CLNK: variants seen among roughly 807,000 people sequenced by gnomAD.
CLNK encodes the protein cytokine-dependent hematopoietic cell linker.
CLNK carries 74 observed loss-of-function variants against 68.6 expected under a neutral mutation model. That is an observed-to-expected ratio of 1.08 (90% confidence interval 0.89 to 1.31). The LOEUF is 1.31. Ranked by LOEUF, CLNK falls within the 50% of genes most tolerant of loss-of-function variation. CLNK has a pLI of 0.00. For synonymous variants in CLNK, 198 were observed against 172.2 expected (o/e 1.15, Z -1.17); for missense variants, 553 against 515.3 (o/e 1.07, Z -0.71).
chr4:10,694,771 T>A, the CLNK span, among the ~76,000 whole-genome samples: 1 of 152,158 alleles, frequency 6.6e-6, no homozygotes, highest in Non-Finnish European at 1.5e-5. Context: ...AGGGTGGGCA[T>A]GATTTCCATT....
At chr4:10,615,057 A>C (rs1177265379) in intron 2 of CLNK, among the ~76,000 whole-genome samples, 1 of 152,142 alleles carries the variant, frequency 6.6e-6, no homozygotes, top group African/African-American at 2.4e-5. Context: ...ATGGTGGTGC[A>C]TACTTGTAAT....
In CLNK at chr4:10,660,740, G is replaced by C. The variant is rs933712043; in HGVS notation, c.11+7119C>G. 2.0e-5 allele frequency among the ~76,000 whole-genome samples: 3 copies of C among 152,276 alleles called. No homozygotes were observed. The East Asian group carries it at 5.8e-4, about 29-fold the overall frequency. The stretch of plus-strand genomic sequence containing the variant: ...AGTAAGAGAGAGAGAAGACTATCTT[G>C]ACATCCTCTATTCCCTCATCACCGA... On this transcript the variant is annotated intron_variant, in intron 2 of 18. Transcript: ENST00000226951.
intron 2 of CLNK, among the ~76,000 whole-genome samples, chr4:10,625,587 G>A (rs1346759278): frequency 6.6e-6 from 1 of 152,186 alleles, no homozygotes; most frequent in African/African-American, 2.4e-5. Context: ...GATACAGAGA[G>A]ACAGGGTCAG....
At chr4:10,680,838 C>T (rs989570493) in intron 1 of CLNK, among the ~76,000 whole-genome samples, 10 of 152,100 alleles carry the variant, frequency 6.6e-5, no homozygotes, top group African/African-American at 1.7e-4. Flanking sequence ...CATGTCTCAA[C>T]GACTGGATGG....
At chr4:10,707,661 C>A in the CLNK span, among the ~76,000 whole-genome samples, 3 of 152,188 alleles carry the variant, frequency 2.0e-5, no homozygotes, top group South Asian at 6.2e-4. Flanking sequence ...GTTCCCTGGG[C>A]CATGGTCACC....
chr4:10,540,607 G>A lies in CLNK; in HGVS notation c.492-3C>T. On this transcript the variant is annotated splice_polypyrimidine_tract_variant and splice_region_variant and intron_variant, in intron 10 of 18. Coordinates refer to ENST00000226951, the MANE Select transcript of CLNK (RefSeq NM_052964.4). ...TCTTCGGAAGTGTTATGAGAGGCCTGTGTGGAGAGTCGCAGTAGGGTCCTG... is the reference window on the plus strand; with the variant it reads ...TCTTCGGAAGTGTTATGAGAGGCCTATGTGGAGAGTCGCAGTAGGGTCCTG... 1 of 1,608,400 alleles carries A rather than the reference G, an allele frequency of 6.2e-7. No homozygotes were observed. The highest frequency in any genetic ancestry group is 8.5e-7 in the Non-Finnish European group (1 of 1,174,874).
intron 2 of CLNK, among the ~76,000 whole-genome samples, chr4:10,622,302 GA>G (rs1481651090): frequency 6.6e-6 from 1 of 152,198 alleles, no homozygotes; most frequent in Non-Finnish European, 1.5e-5. Context: ...GGGACTCTGG[GA>G]GGCAAACTTG....
chr4:10,679,916 G>A (rs934285021), intron 1 of CLNK, among the ~76,000 whole-genome samples: 1 of 152,156 alleles, frequency 6.6e-6, no homozygotes, highest in Admixed American at 6.5e-5. Context: ...TACACTGTTG[G>A]TGGGACTGTA....
chr4:10,716,092 G>A, the CLNK span, among the ~76,000 whole-genome samples: 2 of 152,212 alleles, frequency 1.3e-5, no homozygotes, highest in Non-Finnish European at 2.9e-5. Flanking sequence ...GAATGCCACA[G>A]AATTGAGGTT....
intron 2 of CLNK, among the ~76,000 whole-genome samples, chr4:10,658,822 T>A (rs751724457): frequency 2.0e-5 from 3 of 152,194 alleles, no homozygotes; most frequent in Non-Finnish European, 1.5e-5. Flanking sequence ...GAGAAATAGA[T>A]TCACCCTTGA....
chr4:10,566,620 T>C (rs1439245525), intron 5 of CLNK, among the ~76,000 whole-genome samples: 1 of 152,228 alleles, frequency 6.6e-6, no homozygotes, highest in Non-Finnish European at 1.5e-5. Context: ...CCAAATTCAG[T>C]TGTATTTCTA....
At chr4:10,659,354 A>G (rs1378528633) in intron 2 of CLNK, among the ~76,000 whole-genome samples, 1 of 152,234 alleles carries the variant, frequency 6.6e-6, no homozygotes, top group African/African-American at 2.4e-5. Context: ...AAGTCGCTTA[A>G]CTTTCTCAAC....
At chr4:10,724,331 C>A in the CLNK span, among the ~76,000 whole-genome samples, 1 of 152,142 alleles carries the variant, frequency 6.6e-6, no homozygotes, top group Admixed American at 6.5e-5. Context: ...CTTGAAGAGG[C>A]TTATCCTGCC....
intron 8 of CLNK, among the ~76,000 whole-genome samples, chr4:10,547,142 A>G (rs1719264037): frequency 6.6e-6 from 1 of 152,092 alleles, no homozygotes; most frequent in South Asian, 2.1e-4. Flanking sequence ...TTTCAACATG[A>G]GATTTGGAAG....
chr4:10,564,654 G>A lies in CLNK; in HGVS notation c.399+17C>T, dbSNP rs762967600. On this transcript the variant is annotated intron_variant, in intron 7 of 18. Coordinates refer to ENST00000226951, the MANE Select transcript of CLNK (RefSeq NM_052964.4). ...GCCCTACACATGTTTGTGTCACAAT[G>A]TCCAGTCTTTACTCACTCTTTCCAA... The A allele has an allele frequency of 1.0e-5, 16 of 1,539,578 alleles. No individual in the cohort carries two copies. In the South Asian group the frequency reaches 1.6e-4, roughly 15 times the overall value.
intron 2 of CLNK, among the ~76,000 whole-genome samples, chr4:10,662,918 G>T (rs1156807429): frequency 6.6e-6 from 1 of 152,154 alleles, no homozygotes; most frequent in Non-Finnish European, 1.5e-5. Flanking sequence ...TTTCAAAGTG[G>T]ACACTCTGGA....
intron 3 of CLNK, among the ~76,000 whole-genome samples, chr4:10,595,877 T>C (rs1392814884): frequency 6.6e-6 from 1 of 152,116 alleles, no homozygotes; most frequent in Non-Finnish European, 1.5e-5. Flanking sequence ...ACCTAGCACA[T>C]AGTGAGCACT....
chr4:10,711,247 G>C, the CLNK span, among the ~76,000 whole-genome samples: 134 of 152,264 alleles, frequency 8.8e-4, 2 homozygotes, highest in South Asian at 0.027. Context: ...TAGGAACAGG[G>C]AGACCTCTGA....
intron 1 of CLNK, among the ~76,000 whole-genome samples, chr4:10,668,311 T>C (rs1724488950): frequency 6.6e-6 from 1 of 152,188 alleles, no homozygotes; most frequent in African/African-American, 2.4e-5. Flanking sequence ...CCATAAAATA[T>C]TTATTGCAAG....
Sources: allele counts gnomAD v4.1 joint callset (sites outside exome capture counted in the v4.1 genomes callset), GRCh38; gene constraint gnomAD v4.1.1; transcripts MANE v1.5; gene names NCBI Gene and HGNC (gene_info 2026-07-23, HGNC 2026-07-21).